Variants in TEX29 observed in about 807,000 individuals in gnomAD.
The protein encoded by TEX29 is testis-expressed protein 29.
A neutral mutation model predicts 18.2 loss-of-function variants in TEX29; 26 were observed. That is an observed-to-expected ratio of 1.43 (90% CI 1.04 to 1.98). The LOEUF is 1.98. Among genes scored for constraint, TEX29 ranks in the 30% most tolerant of loss-of-function variants. TEX29 has a pLI of 0.00. For synonymous variants in TEX29, 83 were observed against 78.5 expected (o/e 1.06, Z -0.31); for missense variants, 177 against 194.2 (o/e 0.91, Z 0.53).
upstream of TEX29, among the ~76,000 whole-genome samples, chr13:111,318,115 C>G (rs1489360675): frequency 6.6e-6 from 1 of 152,128 alleles, no homozygotes; most frequent in African/African-American, 2.4e-5. Flanking sequence ...TGTCTAGGAG[C>G]CCCCCGAATC....
intron 3 of TEX29, 79 bp downstream of exon 3, chr13:111,328,372 C>T: frequency 1.0e-6 from 1 of 968,960 alleles, no homozygotes; most frequent in Non-Finnish European, 1.7e-6. Flanking sequence ...TGCCTGTCTC[C>T]CTTCCTCGGG....
intron 2 of TEX29, among the ~76,000 whole-genome samples, chr13:111,326,003 C>T (rs112265362): frequency 2.0e-5 from 3 of 152,326 alleles, no homozygotes; most frequent in African/African-American, 4.8e-5. Context: ...CTTCTCCTCC[C>T]GTGTCTGGGG....
intron 3 of TEX29, among the ~76,000 whole-genome samples, chr13:111,338,646 A>G (rs1364863702): frequency 1.3e-5 from 2 of 152,178 alleles, no homozygotes; most frequent in South Asian, 2.1e-4. Flanking sequence ...TGTCACCTGC[A>G]CTTGATATTT....
chr13:111,332,224 A>G (rs1385450645), intron 3 of TEX29, among the ~76,000 whole-genome samples: 1 of 152,000 alleles, frequency 6.6e-6, no homozygotes, highest in African/African-American at 2.4e-5. Context: ...ATTTTTTTCA[A>G]TATTTTATAG....
chr13:111,333,052 T>C (rs1273425292), intron 3 of TEX29, among the ~76,000 whole-genome samples: 1 of 152,242 alleles, frequency 6.6e-6, no homozygotes, highest in African/African-American at 2.4e-5. Context: ...TTGAATGTTT[T>C]ATCTCATTGC....
intron 5 of TEX29, among the ~76,000 whole-genome samples, chr13:111,343,323 C>A (rs192241888): frequency 6.6e-6 from 1 of 151,436 alleles, no homozygotes; most frequent in Admixed American, 6.6e-5. Flanking sequence ...CTCTCTGTGG[C>A]ACCCTGGCCA....
At chr13:111,325,249 CCT>C (rs1300951878) in intron 2 of TEX29, among the ~76,000 whole-genome samples, 25 of 152,242 alleles carry the variant, frequency 1.6e-4, no homozygotes, top group Non-Finnish European at 2.9e-4. Context: ...GCCGATGGCT[CCT>C]CTCCCTCTTC....
chr13:111,342,922 A>G lies in TEX29; in HGVS notation c.406A>G (p.Lys136Glu). 1 of 1,614,034 alleles carries G rather than the reference A, an allele frequency of 6.2e-7. No homozygotes were observed. Among genetic ancestry groups the G allele is most frequent in the Non-Finnish European group, 8.5e-7 (1 of 1,179,984 alleles). Residue 136 changes from lysine to glutamate, a missense_variant, in exon 5 of 6, where the codon AAG (lysine) becomes GAG (glutamate). Lys to Glu is a moderately conservative substitution (Grantham distance 56). Transcript: ENST00000283547. ...AGPSMKSDED[K>E]DDVTGTITEA... is the part of the protein sequence containing the mutation. ...GCCCTCGATGAAGAGTGACGAGGAT[A>G]AGGATGATGGTGAGAAGCTTCTGGA...
At chr13:111,335,755 G>A (rs1350381387) in intron 3 of TEX29, among the ~76,000 whole-genome samples, 1 of 152,196 alleles carries the variant, frequency 6.6e-6, no homozygotes, top group Non-Finnish European at 1.5e-5. Flanking sequence ...ATAATGATTA[G>A]TGATCCCAAT....
At chr13:111,339,322 A>C in intron 3 of TEX29, 1 of 454,826 alleles carries the variant, frequency 2.2e-6, no homozygotes. Context: ...CTGGGCATTG[A>C]GGAGCCATTT....
At chr13:111,327,499 G>A (rs2093675982) in intron 2 of TEX29, among the ~76,000 whole-genome samples, 1 of 152,150 alleles carries the variant, frequency 6.6e-6, no homozygotes, top group African/African-American at 2.4e-5. Context: ...AAAGGTCTCT[G>A]CGGGCACCCT....
chr13:111,341,789 C>G (rs897493721), intron 4 of TEX29, among the ~76,000 whole-genome samples: 5 of 152,212 alleles, frequency 3.3e-5, no homozygotes, highest in African/African-American at 1.2e-4. Flanking sequence ...GTTTAGTGAG[C>G]ACCTAAGACT....
At chr13:111,335,258 C>G (rs2093688023) in intron 3 of TEX29, among the ~76,000 whole-genome samples, 1 of 152,190 alleles carries the variant, frequency 6.6e-6, no homozygotes, top group Admixed American at 6.5e-5. Context: ...AGATGTAGTG[C>G]TTTTTCCCGA....
upstream of TEX29, among the ~76,000 whole-genome samples, chr13:111,316,766 G>T (rs1365949427): frequency 3.9e-5 from 6 of 152,182 alleles, no homozygotes; most frequent in African/African-American, 1.2e-4. Context: ...GTATGAGTCT[G>T]TTTCACACTG....
chr13:111,320,649 G>A lies in TEX29; in HGVS notation c.-148G>A. ...AGCCTGGTCCCACAGTCCATAGTGA[G>A]CGGCAGACAGAGGGGTGGCCAGTTT... On this transcript the variant is annotated 5_prime_UTR_variant, in exon 1 of 6. Transcript: ENST00000283547. The A allele has an allele frequency of 1.7e-6, 1 of 583,890 alleles. No individual in the cohort carries two copies. The allele number at this position is 583,890 out of a possible 1,614,324, so 36.2% of individuals were successfully genotyped here.
In TEX29 at chr13:111,339,856, T is replaced by G; in HGVS notation, c.170-7T>G. On this transcript the variant is annotated splice_region_variant and splice_polypyrimidine_tract_variant and intron_variant, in intron 3 of 5. Coordinates refer to ENST00000283547, the MANE Select transcript of TEX29 (RefSeq NM_152324.3). ...TCGAAATGACTTCAAATCCCACCAT[T>G]TTTCAGTTTACATCCACGTGTTCTC... 1 of 1,614,068 alleles carries G rather than the reference T, an allele frequency of 6.2e-7. No homozygotes were observed. Among genetic ancestry groups the G allele is most frequent in the Non-Finnish European group, 8.5e-7 (1 of 1,179,938 alleles).
intron 3 of TEX29, among the ~76,000 whole-genome samples, chr13:111,329,003 AG>A (rs2093678622): frequency 1.3e-5 from 2 of 152,304 alleles, no homozygotes; most frequent in African/African-American, 2.4e-5. Context: ...CTGCGCGTGA[AG>A]GGCGTTGGGC....
chr13:111,323,517 G>T (rs1051996205), intron 2 of TEX29, among the ~76,000 whole-genome samples: 1 of 152,244 alleles, frequency 6.6e-6, no homozygotes, highest in Admixed American at 6.5e-5. Flanking sequence ...TTTCCACACC[G>T]GTGTGAGTTC....
In TEX29 at chr13:111,327,643, C is replaced by T. The variant is rs115899927; in HGVS notation, c.59-540C>T. ...GAACTCCTCTGGAAAGGGTCGTCTG[C>T]CAGGAGCTCTCCCCGCCCTGCTTCC... On this transcript the variant is annotated intron_variant, in intron 2 of 5. Coordinates refer to ENST00000283547, the MANE Select transcript of TEX29 (RefSeq NM_152324.3). Among the ~76,000 whole-genome samples, 454 of 152,368 alleles carry T rather than the reference C, an allele frequency of 3.0e-3. 3 individuals are homozygous for T. Among genetic ancestry groups the T allele is most frequent in the African/African-American group, 0.011 (438 of 41,588 alleles).
Sources: gnomAD v4.1 joint callset for allele counts (sites outside exome capture counted in the v4.1 genomes callset) on GRCh38, gnomAD v4.1.1 for gene constraint, MANE v1.5 for transcripts, NCBI Gene and HGNC (gene_info 2026-07-23, HGNC 2026-07-21) for gene names.